The following TK2 variants were observed in gnomAD, a reference collection of about 807,000 sequenced individuals.
The protein encoded by TK2 is thymidine kinase 2.
In TK2, 35 loss-of-function variants were observed where a neutral mutation model predicts 41.9. The ratio of observed to expected loss-of-function variants is 0.84; its 90% CI spans 0.64 to 1.11. The LOEUF is 1.11. TK2 is among the 50% of genes least tolerant of loss of function. The pLI is 0.00. For synonymous variants in TK2, 128 were observed against 129.1 expected, an observed-to-expected ratio of 0.99 and a Z score of 0.06; for missense variants, 320 against 351.1, an observed-to-expected ratio of 0.91 and a Z score of 0.71.
chr16:66,518,181 G>C (rs1453569270), intron 6 of TK2: 2 of 411,314 alleles, frequency 4.9e-6, no homozygotes, highest in African/African-American at 2.0e-5. Context: ...CCTGAGAACA[G>C]AGACAGTGCT....
intron 2 of TK2, among the ~76,000 whole-genome samples, chr16:66,547,391 T>C (rs1965641285): frequency 6.6e-6 from 1 of 152,166 alleles, no homozygotes; most frequent in Non-Finnish European, 1.5e-5. Flanking sequence ...GGCCCTTCAG[T>C]GACTCTGGGT....
At chr16:66,515,696 G>C (rs1384573936) in intron 8 of TK2, among the ~76,000 whole-genome samples, 2 of 152,334 alleles carry the variant, frequency 1.3e-5, no homozygotes, top group African/African-American at 4.8e-5. Flanking sequence ...GGAGCATCTG[G>C]GTCACTGCAC....
intron 5 of TK2, among the ~76,000 whole-genome samples, chr16:66,531,062 C>T (rs1255091070): frequency 2.0e-5 from 3 of 152,158 alleles, no homozygotes; most frequent in East Asian, 3.9e-4. Context: ...GTGATGCTTC[C>T]GCTGCTGGTC....
At chr16:66,520,696 A>C (rs1039227974) in intron 6 of TK2, among the ~76,000 whole-genome samples, 10 of 152,216 alleles carry the variant, frequency 6.6e-5, no homozygotes, top group African/African-American at 2.2e-4. Flanking sequence ...ACAGTAGCAA[A>C]ATGTAGAGAA....
At chr16:66,547,957 G>A in intron 2 of TK2, 1 of 1,288,468 alleles carries the variant, frequency 7.8e-7, no homozygotes, top group Non-Finnish European at 1.0e-6. Flanking sequence ...AAATAGCCAG[G>A]CACAGTGGCT....
At chr16:66,541,627 G>A (rs1159170153) in intron 3 of TK2, among the ~76,000 whole-genome samples, 1 of 152,068 alleles carries the variant, frequency 6.6e-6, no homozygotes, top group Non-Finnish European at 1.5e-5. Context: ...ATGTGGCCCA[G>A]GCTGGTCTGG....
intron 2 of TK2, chr16:66,548,061 C>T (rs1486677795): frequency 1.1e-5 from 8 of 740,518 alleles, no homozygotes; most frequent in East Asian, 6.5e-5. Flanking sequence ...AGCAAGACGC[C>T]GTCTCTTAAA....
chr16:66,528,177 T>C lies in TK2; in HGVS notation c.449+817A>G, dbSNP rs186391201. Among the ~76,000 whole-genome samples, 226 of 152,270 alleles carry C rather than the reference T, an allele frequency of 1.5e-3. 1 individual carries two copies. The highest frequency in any genetic ancestry group is 0.01 in the Middle Eastern group (3 of 294). ...AGAGTGGGAGGAAGGGCCTCCAGCGTTGACATCCGAACAGCTCTGCGAGGG... is the reference window on the plus strand; with the variant it reads ...AGAGTGGGAGGAAGGGCCTCCAGCGCTGACATCCGAACAGCTCTGCGAGGG... On this transcript the variant is annotated intron_variant, in intron 6 of 9. Transcript: ENST00000544898.
chr16:66,540,204 A>G (rs1395944607), intron 3 of TK2, among the ~76,000 whole-genome samples: 1 of 127,756 alleles, frequency 7.8e-6, no homozygotes, highest in Non-Finnish European at 1.6e-5. Context: ...ACAGGGCCTC[A>G]CTCTGTCACC....
intron 2 of TK2, among the ~76,000 whole-genome samples, chr16:66,547,718 G>C (rs1023264459): frequency 6.6e-6 from 1 of 151,254 alleles, no homozygotes; most frequent in Non-Finnish European, 1.5e-5. Flanking sequence ...CAGACAGACC[G>C]CAGACTCCCA....
At chr16:66,520,142 A>T (rs1452195196) in intron 6 of TK2, among the ~76,000 whole-genome samples, 1 of 152,062 alleles carries the variant, frequency 6.6e-6, no homozygotes, top group Non-Finnish European at 1.5e-5. Context: ...GACGGCCAGG[A>T]CTCCCAGAAA....
chr16:66,529,192 G>C (rs1431893080), intron 5 of TK2, 125 bp from the exon 6 acceptor site: 8 of 911,920 alleles, frequency 8.8e-6, no homozygotes, highest in Non-Finnish European at 1.4e-5. Context: ...AGGCGGCAGA[G>C]AGAGTGAAGC....
rs1371973224 is a variant in TK2, at chr16:66,534,861, T to G, written c.285+2103A>C. ...AATTAATTTTATTTACTTTTATTTC[T>G]TTTAGAGATGGAGGTCTCATTATGT... On this transcript the variant is annotated intron_variant, in intron 4 of 9. Transcript: ENST00000544898. Among the ~76,000 whole-genome samples the G allele has an allele frequency of 2.0e-5, 3 of 152,260 alleles. No homozygotes were observed. In the East Asian group the frequency reaches 5.8e-4, roughly 29 times the overall value.
intron 6 of TK2, among the ~76,000 whole-genome samples, chr16:66,518,985 G>A (rs7201353): frequency 0.061 from 9,127 of 150,538 alleles, 383 homozygotes; most frequent in South Asian, 0.18. Context: ...TTTTTGAGAC[G>A]TAGTGTCGCT....
chr16:66,512,240 T>C (rs773323592), intron 9 of TK2, among the ~76,000 whole-genome samples, 174 bp from the exon 10 acceptor site: 1 of 152,198 alleles, frequency 6.6e-6, no homozygotes, highest in African/African-American at 2.4e-5. Flanking sequence ...TAGGGCAATC[T>C]ACATTTCCAA....
intron 6 of TK2, chr16:66,524,881 A>G (rs1005142214): frequency 6.6e-6 from 1 of 152,176 alleles, no homozygotes; most frequent in Non-Finnish European, 1.5e-5. Context: ...GCTTTGGGGA[A>G]CCCAGTGGGC....
chr16:66,550,111 GC>G lies in TK2; in HGVS notation c.-51del. ...CCGGGGTTCCTTCTTGTGCGAGTCGGCGCGGACGACTGCTAGTCCAGCCGTT... is the reference window on the plus strand; with the variant it reads ...CCGGGGTTCCTTCTTGTGCGAGTCGGGCGGACGACTGCTAGTCCAGCCGTT... On this transcript the variant is annotated 5_prime_UTR_variant, in exon 1 of 10. Transcript: ENST00000544898. 6.2e-7 allele frequency: 1 copy of G among 1,610,116 alleles called. No homozygotes were observed. Among genetic ancestry groups the G allele is most frequent in the Non-Finnish European group, 8.5e-7 (1 of 1,179,126 alleles).
intron 1 of TK2, 53 bp from the exon 2 acceptor site, chr16:66,549,062 T>C (rs1410954121): frequency 4.3e-6 from 7 of 1,609,468 alleles, no homozygotes; most frequent in Non-Finnish European, 5.9e-6. Flanking sequence ...AACTCTCCTC[T>C]GCCCTAATTT....
chr16:66,516,363 G>A (rs570355473), intron 8 of TK2, among the ~76,000 whole-genome samples: 1 of 152,352 alleles, frequency 6.6e-6, no homozygotes, highest in South Asian at 2.1e-4. Flanking sequence ...CCAGAGCATA[G>A]AAAGTAGGGA....
Sources: allele counts gnomAD v4.1 joint callset (sites outside exome capture counted in the v4.1 genomes callset), GRCh38; gene constraint gnomAD v4.1.1; transcripts MANE v1.5; gene names NCBI Gene and HGNC (gene_info 2026-07-23, HGNC 2026-07-21).